Variants in STAG1 observed in about 807,000 individuals in gnomAD.
STAG1 encodes the protein STAG1 cohesin complex component.
In STAG1, 26 loss-of-function variants were observed where a neutral mutation model predicts 170.9. The ratio of observed to expected loss-of-function variants is 0.15; its 90% CI spans 0.11 to 0.21. STAG1 has a LOEUF of 0.21. STAG1 is among the 10% of genes least tolerant of loss of function. STAG1 has a pLI of 1.00. For synonymous variants in STAG1, 514 were observed against 497.7 expected (o/e 1.03, Z -0.44); for missense variants, 964 against 1,509.5 (o/e 0.64, Z 5.99).
At chr3:136,436,019 G>A (rs1328356776) in intron 15 of STAG1, among the ~76,000 whole-genome samples, 4 of 151,990 alleles carry the variant, frequency 2.6e-5, no homozygotes, top group Admixed American at 6.6e-5. Flanking sequence ...AGGCAATGGC[G>A]TGATCTCAGC....
At chr3:136,657,107 T>C (rs989332413) in intron 1 of STAG1, among the ~76,000 whole-genome samples, 2 of 151,016 alleles carry the variant, frequency 1.3e-5, no homozygotes, top group Admixed American at 6.6e-5. Context: ...GCTTATGATA[T>C]GCAATACTTA....
chr3:136,419,547 C>A (rs915810548), intron 20 of STAG1, among the ~76,000 whole-genome samples: 2 of 151,524 alleles, frequency 1.3e-5, no homozygotes, highest in South Asian at 2.1e-4. Context: ...TGGGTTCAAG[C>A]GATTCTCGTG....
chr3:136,363,914 T>C (rs948104107), intron 25 of STAG1, among the ~76,000 whole-genome samples: 2 of 151,962 alleles, frequency 1.3e-5, no homozygotes, highest in African/African-American at 4.8e-5. Context: ...CCACCACGCC[T>C]GGCTAATTTT....
At chr3:136,385,421 T>C (rs909010250) in intron 22 of STAG1, among the ~76,000 whole-genome samples, 4 of 152,030 alleles carry the variant, frequency 2.6e-5, no homozygotes, top group South Asian at 2.1e-4. Flanking sequence ...GCCTGAGCAA[T>C]AGAGTGAGAC....
chr3:136,728,717 CA>C (rs965486455), intron 1 of STAG1, among the ~76,000 whole-genome samples: 1 of 152,222 alleles, frequency 6.6e-6, no homozygotes, highest in East Asian at 1.9e-4. Context: ...CTGGATAGCA[CA>C]AACAAAAAAA....
At chr3:136,523,142 A>G (rs1934780187) in intron 6 of STAG1, among the ~76,000 whole-genome samples, 1 of 152,204 alleles carries the variant, frequency 6.6e-6, no homozygotes, top group African/African-American at 2.4e-5. Flanking sequence ...AGGAATCGCC[A>G]CACTGTCTTC....
intron 16 of STAG1, among the ~76,000 whole-genome samples, chr3:136,428,246 G>C (rs922087822): frequency 6.6e-6 from 1 of 152,162 alleles, no homozygotes; most frequent in African/African-American, 2.4e-5. Context: ...CAAAAGCCTT[G>C]AAGGGAAAAG....
At position 136,498,233 on chromosome 3, in the gene STAG1, T is replaced by TATATATATATATAC; in HGVS notation, c.902+1989_902+1990insGTATATATATATAT. Among the ~76,000 whole-genome samples, 401 of 57,392 alleles carry TATATATATATATAC rather than the reference T, an allele frequency of 7.0e-3. 42 individuals are homozygous for TATATATATATATAC. The highest frequency in any genetic ancestry group is 0.014 in the Admixed American group (65 of 4,566). 37.7% of individuals were successfully genotyped at this position (57,392 alleles called of 152,430 possible). On this transcript the variant is annotated intron_variant, in intron 9 of 33. Transcript: ENST00000383202. ...AATTATATATATATATATATATATA[T>TATATATATATATAC]ACACATACATATACATACACACACA...
At chr3:136,410,937 C>T (rs1002221346) in intron 21 of STAG1, among the ~76,000 whole-genome samples, 19 of 152,210 alleles carry the variant, frequency 1.2e-4, no homozygotes, top group African/African-American at 2.4e-4. Flanking sequence ...TGCCTGTCAT[C>T]CCAGCTACCT....
intron 2 of STAG1, among the ~76,000 whole-genome samples, chr3:136,629,609 G>A (rs1454338222): frequency 6.6e-6 from 1 of 151,866 alleles, no homozygotes; most frequent in Non-Finnish European, 1.5e-5. Flanking sequence ...CAGTATTGAT[G>A]GTTTTTCAAG....
intron 13 of STAG1, among the ~76,000 whole-genome samples, chr3:136,454,613 C>T (rs1419323520): frequency 6.6e-6 from 1 of 152,116 alleles, no homozygotes; most frequent in Non-Finnish European, 1.5e-5. Flanking sequence ...CTCCTGACCT[C>T]AAGTCGTCCA....
At chr3:136,468,535 A>C (rs1176087604) in intron 12 of STAG1, among the ~76,000 whole-genome samples, 1 of 152,224 alleles carries the variant, frequency 6.6e-6, no homozygotes, top group Non-Finnish European at 1.5e-5. Flanking sequence ...AACCAAAAAA[A>C]GTCCAGGACC....
chr3:136,537,972 T>C (rs1045595227), intron 6 of STAG1, among the ~76,000 whole-genome samples: 1 of 152,062 alleles, frequency 6.6e-6, no homozygotes, highest in Non-Finnish European at 1.5e-5. Context: ...GCCATGAAAA[T>C]CTAATGATAC....
intron 7 of STAG1, among the ~76,000 whole-genome samples, chr3:136,505,480 T>C (rs1933710182): frequency 6.6e-6 from 1 of 152,228 alleles, no homozygotes; most frequent in Non-Finnish European, 1.5e-5. Flanking sequence ...TTTAATAACA[T>C]GACACTAATA....
intron 1 of STAG1, among the ~76,000 whole-genome samples, chr3:136,708,951 G>C (rs1231567059): frequency 7.5e-6 from 1 of 133,684 alleles, no homozygotes; most frequent in African/African-American, 2.8e-5. Flanking sequence ...CCACAGGCAT[G>C]TACCACTGCA....
At chr3:136,647,230 C>T (rs1056580598) in intron 1 of STAG1, among the ~76,000 whole-genome samples, 9 of 152,094 alleles carry the variant, frequency 5.9e-5, no homozygotes, top group Non-Finnish European at 1.3e-4. Context: ...CAGTGCCCAA[C>T]ATACATCCCA....
chr3:136,605,285 A>G (rs374072707), intron 3 of STAG1, among the ~76,000 whole-genome samples: 2 of 152,086 alleles, frequency 1.3e-5, no homozygotes, highest in South Asian at 4.2e-4. Context: ...CCTCCCCCCA[A>G]CTTTATTTTA....
chr3:136,464,441 C>CA (rs71157385), intron 13 of STAG1, among the ~76,000 whole-genome samples: 2 of 146,900 alleles, frequency 1.4e-5, no homozygotes, highest in Admixed American at 6.8e-5. Context: ...AACAAAAAAA[C>CA]AAAAAAATCA....
chr3:136,673,790 T>C (rs547934938), intron 1 of STAG1, among the ~76,000 whole-genome samples: 1 of 152,172 alleles, frequency 6.6e-6, no homozygotes, highest in African/African-American at 2.4e-5. Flanking sequence ...ATACAATAAC[T>C]ATAATTGATT....
Sources: gnomAD v4.1 joint callset for allele counts (sites outside exome capture counted in the v4.1 genomes callset) on GRCh38, gnomAD v4.1.1 for gene constraint, MANE v1.5 for transcripts, NCBI Gene and HGNC (gene_info 2026-07-23, HGNC 2026-07-21) for gene names.